Variants in PLCL2 observed in about 807,000 individuals in gnomAD.
PLCL2 encodes inactive phospholipase C-like protein 2.
PLCL2 carries 4 observed loss-of-function variants against 79.6 expected under a neutral mutation model. The observed-to-expected ratio is 0.05, with a 90% CI of 0.02 to 0.11. PLCL2 has a LOEUF of 0.11. Among genes scored for constraint, PLCL2 ranks in the 10% least tolerant of loss-of-function variants. PLCL2 has a pLI of 1.00. For missense variants in PLCL2, 895 were observed against 1,291.0 expected (o/e 0.69, Z 4.70); for synonymous variants, 484 against 457.7 (o/e 1.06, Z -0.73).
At chr3:16,974,044 T>C (rs1289686031) in intron 1 of PLCL2, among the ~76,000 whole-genome samples, 1 of 152,134 alleles carries the variant, frequency 6.6e-6, no homozygotes, top group South Asian at 2.1e-4. Flanking sequence ...GGAAAGGGCA[T>C]TCTAGGCAAC....
At chr3:17,025,217 T>C (rs911684079) in intron 3 of PLCL2, among the ~76,000 whole-genome samples, 12 of 152,328 alleles carry the variant, frequency 7.9e-5, no homozygotes, top group Admixed American at 7.2e-4. Flanking sequence ...AGAATCCTTA[T>C]GTTCTTGATA....
intron 1 of PLCL2, among the ~76,000 whole-genome samples, chr3:16,937,062 C>A (rs988421903): frequency 2.4e-4 from 37 of 152,092 alleles, no homozygotes; most frequent in African/African-American, 8.9e-4. Flanking sequence ...GCCAGTAACA[C>A]CCCCATCAGC....
chr3:16,972,263 T>C (rs1264621408), intron 1 of PLCL2, among the ~76,000 whole-genome samples: 1 of 152,084 alleles, frequency 6.6e-6, no homozygotes, highest in African/African-American at 2.4e-5. Context: ...GATGACATGA[T>C]TGTATATCTC....
chr3:16,890,238 C>T (rs1696314772), intron 1 of PLCL2, among the ~76,000 whole-genome samples: 1 of 152,208 alleles, frequency 6.6e-6, no homozygotes. Context: ...TTTCCAGCCT[C>T]CCCCAAATGG....
intron 4 of PLCL2, among the ~76,000 whole-genome samples, chr3:17,044,778 G>A (rs1175324582): frequency 6.6e-6 from 1 of 152,120 alleles, no homozygotes; most frequent in Non-Finnish European, 1.5e-5. Context: ...AACAATTTGA[G>A]TTATTGTCAA....
chr3:16,897,538 G>A (rs540602874), intron 1 of PLCL2, among the ~76,000 whole-genome samples: 1 of 152,344 alleles, frequency 6.6e-6, no homozygotes, highest in Admixed American at 6.5e-5. Context: ...ACTATTTCTA[G>A]AGAGAGGTGA....
chr3:17,080,282 C>G (rs1378695057), intron 5 of PLCL2, among the ~76,000 whole-genome samples: 2 of 152,136 alleles, frequency 1.3e-5, no homozygotes, highest in Non-Finnish European at 2.9e-5. Flanking sequence ...GTAAGGTTTA[C>G]TGAGACTTCA....
At chr3:16,888,897 C>G (rs1454319059) in intron 1 of PLCL2, among the ~76,000 whole-genome samples, 1 of 152,176 alleles carries the variant, frequency 6.6e-6, no homozygotes, top group African/African-American at 2.4e-5. Flanking sequence ...AAAATTCACA[C>G]TGGTTTGTGT....
rs540695724 is a variant in PLCL2, at chr3:17,009,860, C to G, written c.514C>G (p.Leu172Val). ...TTTACTGGATGCTGACATGCAGAGC[C>G]TAAGGTGGGAGCCATCTAAGAAGGA... The part of the protein sequence containing the change: ...YFLLDADMQS[L>V]RWEPSKKDSE... Residue 172 changes from leucine (L) to valine (V), a missense_variant, in exon 2 of 6, where the codon CTA becomes GTA. By Grantham distance (32) the Leu-to-Val change is conservative. Coordinates refer to ENST00000615277, the MANE Select transcript of PLCL2 (RefSeq NM_001144382.2). This position sits in a 1 kb window ranked among gnomAD's most constrained non-coding sequence, Gnocchi z 4.0. 1.2e-6 allele frequency: 2 copies of G among 1,613,304 alleles called. No individual in the cohort carries two copies. The highest frequency in any genetic ancestry group is 3.3e-5 in the Admixed American group (2 of 59,998).
intron 1 of PLCL2, among the ~76,000 whole-genome samples, chr3:16,923,365 A>G (rs1161134836): frequency 6.6e-6 from 1 of 152,228 alleles, no homozygotes; most frequent in African/African-American, 2.4e-5. Context: ...ACAGCTGCAA[A>G]AGGAGCAAGA....
intron 1 of PLCL2, among the ~76,000 whole-genome samples, chr3:16,977,454 C>A (rs1359205335): frequency 1.3e-5 from 2 of 152,164 alleles, no homozygotes; most frequent in Non-Finnish European, 2.9e-5. Context: ...AATGCCTTTT[C>A]TTGCCAGTTC....
chr3:16,924,947 G>A lies in PLCL2; in HGVS notation c.327+39581G>A, dbSNP rs1040819981. ...AGTTTGTTTGTTTTTTTTTTGAGATGGAGTCTCGCTCTGTCACCCAGGCTG... is the reference window on the plus strand; with the variant it reads ...AGTTTGTTTGTTTTTTTTTTGAGATAGAGTCTCGCTCTGTCACCCAGGCTG... On this transcript the variant is annotated intron_variant, in intron 1 of 5. Coordinates refer to ENST00000615277, the MANE Select transcript of PLCL2 (RefSeq NM_001144382.2). Among the ~76,000 whole-genome samples the A allele has an allele frequency of 9.1e-4, 136 of 148,806 alleles. 1 individual carries two copies. The highest frequency in any genetic ancestry group is 3.3e-3 in the African/African-American group (132 of 40,486).
intron 1 of PLCL2, among the ~76,000 whole-genome samples, chr3:16,961,112 A>G (rs1036502046): frequency 1.3e-5 from 2 of 152,212 alleles, no homozygotes; most frequent in African/African-American, 4.8e-5. Flanking sequence ...GTTTCAGTGG[A>G]GATGGAGACC....
At position 16,886,585 on chromosome 3, in the gene PLCL2, C is replaced by T. The variant is rs1696229140; in HGVS notation, c.327+1219C>T. On this transcript the variant is annotated intron_variant, in intron 1 of 5. Coordinates refer to ENST00000615277, the MANE Select transcript of PLCL2 (RefSeq NM_001144382.2). The surrounding 1 kb of genome is among the most constrained non-coding windows in gnomAD (Gnocchi z 4.2). Reference sequence around the variant, plus strand: ...GTGAAACTGCATTTCCCTTTGTCATCTGTTTGCGCAGTTTATGTCTGGGCA... The same window carrying T: ...GTGAAACTGCATTTCCCTTTGTCATTTGTTTGCGCAGTTTATGTCTGGGCA... Among the ~76,000 whole-genome samples the T allele has an allele frequency of 6.6e-6, 1 of 152,190 alleles. No individual in the cohort carries two copies. Among genetic ancestry groups the T allele is most frequent in the South Asian group, 2.1e-4 (1 of 4,832 alleles).
chr3:17,035,905 G>A (rs1240071539), intron 3 of PLCL2: 1 of 377,302 alleles, frequency 2.7e-6, no homozygotes, highest in Non-Finnish European at 5.2e-6. Flanking sequence ...TTTGTTAACA[G>A]TTGAGTAGTG....
intron 1 of PLCL2, among the ~76,000 whole-genome samples, chr3:16,921,079 T>G (rs1285393187): frequency 6.6e-6 from 1 of 152,206 alleles, no homozygotes; most frequent in Non-Finnish European, 1.5e-5. Context: ...TTATTTTATT[T>G]GTGGGCCTAG....
chr3:17,022,750 G>C (rs530180297), intron 3 of PLCL2, among the ~76,000 whole-genome samples: 17 of 152,246 alleles, frequency 1.1e-4, no homozygotes, highest in Non-Finnish European at 2.4e-4. Flanking sequence ...TTCTAGTTGA[G>C]CCTTTAATCA....
At chr3:17,049,652 A>G (rs2064818423) in intron 4 of PLCL2, among the ~76,000 whole-genome samples, 1 of 152,190 alleles carries the variant, frequency 6.6e-6, no homozygotes. Context: ...TGAAAACTAT[A>G]AAACACTAAT....
chr3:16,961,149 A>G (rs1213659107), intron 1 of PLCL2, among the ~76,000 whole-genome samples: 1 of 152,216 alleles, frequency 6.6e-6, no homozygotes, highest in Non-Finnish European at 1.5e-5. Flanking sequence ...ATAACCTTCT[A>G]ACATTTAAAA....
Sources: gnomAD v4.1 joint callset for allele counts (sites outside exome capture counted in the v4.1 genomes callset) on GRCh38, gnomAD v4.1.1 for gene constraint, Gnocchi (gnomAD v3.1) non-coding constraint, MANE v1.5 for transcripts, NCBI Gene and HGNC (gene_info 2026-07-23, HGNC 2026-07-21) for gene names.